Variants in ILRUN observed in about 807,000 individuals in gnomAD.
The protein encoded by ILRUN is protein ILRUN.
ILRUN carries 3 observed loss-of-function variants against 33.8 expected under a neutral mutation model. The observed-to-expected ratio is 0.09, with a 90% CI of 0.04 to 0.23. ILRUN has a LOEUF of 0.23. Ranked by LOEUF, ILRUN falls within the 10% of genes least tolerant of loss-of-function variation. The pLI, the probability that ILRUN is intolerant of heterozygous loss-of-function variation, is 1.00. For missense variants in ILRUN, 210 were observed against 375.1 expected, an observed-to-expected ratio of 0.56 and a Z score of 3.64; for synonymous variants, 124 against 138.9, an observed-to-expected ratio of 0.89 and a Z score of 0.75.
chr6:34,674,979 C>A (rs1019921592), intron 1 of ILRUN, among the ~76,000 whole-genome samples: 1 of 151,682 alleles, frequency 6.6e-6, no homozygotes, highest in East Asian at 1.9e-4. Context: ...CAATGCAACT[C>A]AAAAAAAAGT....
intron 4 of ILRUN, among the ~76,000 whole-genome samples, chr6:34,594,418 T>C (rs1237226704): frequency 6.6e-6 from 1 of 152,254 alleles, no homozygotes; most frequent in South Asian, 2.1e-4. Flanking sequence ...ACGGAGGGTA[T>C]AAATACTCAA....
intron 3 of ILRUN, among the ~76,000 whole-genome samples, chr6:34,611,733 T>TA (rs1761758469): frequency 6.6e-6 from 1 of 152,108 alleles, no homozygotes; most frequent in Non-Finnish European, 1.5e-5. Flanking sequence ...GATCATCCAA[T>TA]GAAACTGCTT....
chr6:34,689,513 C>A (rs1763602226), intron 1 of ILRUN, among the ~76,000 whole-genome samples: 1 of 151,822 alleles, frequency 6.6e-6, no homozygotes, highest in African/African-American at 2.4e-5. Context: ...CCTTCCTTAC[C>A]CTCTTCCTAA....
In ILRUN at chr6:34,588,408, G is replaced by A. The variant is rs891745697; in HGVS notation, c.*2157C>T. 8.1e-5 allele frequency: 32 copies of A among 395,898 alleles called. No individual in the cohort carries two copies. Among genetic ancestry groups the A allele is most frequent in the African/African-American group, 6.6e-4 (32 of 48,594 alleles). 24.5% of individuals were successfully genotyped at this position (395,898 alleles called of 1,614,324 possible). A position where few individuals can be genotyped will look rare whatever the true frequency, so the allele number is the denominator to read the frequency against. On this transcript the variant is annotated 3_prime_UTR_variant, in exon 5 of 5. Coordinates refer to ENST00000374023, the MANE Select transcript of ILRUN (RefSeq NM_024294.4). Reference sequence around the variant, plus strand: ...AGAAGAGGAAGTCAGGAAAGCAGGGGTTGTGAAGCCTCCCACAATCCTGCC... The same window carrying A: ...AGAAGAGGAAGTCAGGAAAGCAGGGATTGTGAAGCCTCCCACAATCCTGCC...
intron 1 of ILRUN, among the ~76,000 whole-genome samples, chr6:34,673,140 C>T (rs1007882782): frequency 2.0e-5 from 3 of 152,132 alleles, no homozygotes; most frequent in Admixed American, 6.5e-5. Context: ...AGCTAAGTAT[C>T]AAGGTAAGAA....
intron 3 of ILRUN, among the ~76,000 whole-genome samples, chr6:34,635,843 A>G (rs541440168): frequency 4.6e-5 from 7 of 151,982 alleles, no homozygotes; most frequent in Non-Finnish European, 7.4e-5. Flanking sequence ...GCTGGTCTTG[A>G]ACTCCTGACC....
At chr6:34,595,205 G>T (rs971358792) in intron 4 of ILRUN, among the ~76,000 whole-genome samples, 2 of 152,218 alleles carry the variant, frequency 1.3e-5, no homozygotes, top group African/African-American at 4.8e-5. Flanking sequence ...CAAATAGCAA[G>T]AATCATTCCT....
intron 3 of ILRUN, among the ~76,000 whole-genome samples, chr6:34,643,037 T>G (rs1274499990): frequency 6.6e-6 from 1 of 151,256 alleles, no homozygotes; most frequent in African/African-American, 2.4e-5. Context: ...GGCTCACATC[T>G]GTAATCCCAG....
At chr6:34,601,550 GT>G (rs1933393864) in intron 4 of ILRUN, among the ~76,000 whole-genome samples, 2 of 152,116 alleles carry the variant, frequency 1.3e-5, no homozygotes, top group African/African-American at 4.8e-5. Context: ...CTGGGCAAAT[GT>G]TGGTCCCAAT....
At chr6:34,684,767 G>A (rs746429004) in intron 1 of ILRUN, among the ~76,000 whole-genome samples, 1 of 152,166 alleles carries the variant, frequency 6.6e-6, no homozygotes, top group Non-Finnish European at 1.5e-5. Context: ...AAAATTGGGA[G>A]AGCAAAAGTT....
intron 4 of ILRUN, among the ~76,000 whole-genome samples, chr6:34,599,113 G>T (rs189145817): frequency 7.2e-5 from 11 of 152,322 alleles, no homozygotes; most frequent in Admixed American, 7.2e-4. Flanking sequence ...CAACCTCACT[G>T]TAGTGTGGTC....
intron 3 of ILRUN, among the ~76,000 whole-genome samples, chr6:34,622,712 A>G (rs1311984442): frequency 6.6e-6 from 1 of 152,248 alleles, no homozygotes; most frequent in Non-Finnish European, 1.5e-5. Context: ...AATTGAATAT[A>G]GAATTGACAA....
chr6:34,642,752 G>A (rs1045096246), intron 3 of ILRUN, among the ~76,000 whole-genome samples: 1 of 149,304 alleles, frequency 6.7e-6, no homozygotes, highest in African/African-American at 2.5e-5. Flanking sequence ...ACTTTAGGAG[G>A]CTGAGGAGGG....
chr6:34,649,837 C>T (rs1048826035), intron 2 of ILRUN, among the ~76,000 whole-genome samples: 14 of 152,090 alleles, frequency 9.2e-5, no homozygotes, highest in African/African-American at 3.4e-4. Context: ...GTGACTGGAA[C>T]ATAATAAAAT....
At chr6:34,695,258 A>G (rs1315033776) in intron 1 of ILRUN, among the ~76,000 whole-genome samples, 1 of 152,148 alleles carries the variant, frequency 6.6e-6, no homozygotes, top group Admixed American at 6.6e-5. Flanking sequence ...GCCAAGAGAA[A>G]CAAGATTCCA....
chr6:34,624,627 C>A (rs944160254), intron 3 of ILRUN, among the ~76,000 whole-genome samples: 2 of 152,186 alleles, frequency 1.3e-5, no homozygotes, highest in Admixed American at 6.5e-5. Flanking sequence ...AGCCACCATG[C>A]CCAGCCACCT....
chr6:34,639,125 T>G (rs74715501), intron 3 of ILRUN, among the ~76,000 whole-genome samples: 273 of 152,284 alleles, frequency 1.8e-3, no homozygotes, highest in African/African-American at 6.0e-3. Context: ...AACAGTGTAG[T>G]TTACATAGAG....
chr6:34,689,253 G>A (rs1763596991), intron 1 of ILRUN, among the ~76,000 whole-genome samples: 1 of 150,020 alleles, frequency 6.7e-6, no homozygotes, highest in African/African-American at 2.5e-5. Flanking sequence ...AGAATCACTT[G>A]AGCCTCAGAG....
chr6:34,593,725 C>A (rs1001964119), intron 4 of ILRUN, among the ~76,000 whole-genome samples: 2 of 152,102 alleles, frequency 1.3e-5, no homozygotes, highest in African/African-American at 4.8e-5. Flanking sequence ...TTCTTACCCC[C>A]AAATTAATTA....
Sources: allele counts gnomAD v4.1 joint callset (sites outside exome capture counted in the v4.1 genomes callset), GRCh38; gene constraint gnomAD v4.1.1; transcripts MANE v1.5; gene names NCBI Gene and HGNC (gene_info 2026-07-23, HGNC 2026-07-21).